The following EDA variants were observed in gnomAD, a reference collection of about 807,000 sequenced individuals.
EDA encodes the protein ectodysplasin A.
Under a neutral mutation model 23.6 loss-of-function variants are expected in EDA, and 2 were observed. The observed-to-expected ratio is 0.08, with a 90% CI of 0.03 to 0.27. The LOEUF (loss-of-function observed/expected upper bound fraction) is 0.27, where lower values mean the gene tolerates loss of function less well. Among genes scored for constraint, EDA ranks in the 10% least tolerant of loss-of-function variants. The pLI is 1.00. For missense variants in EDA, 229 were observed against 324.2 expected, an observed-to-expected ratio of 0.71 and a Z score of 2.26; for synonymous variants, 131 against 132.0, an observed-to-expected ratio of 0.99 and a Z score of 0.05.
At chrX:69,908,795 G>A (rs1047505162) in intron 1 of EDA, among the ~76,000 whole-genome samples, 4 of 109,940 alleles carry the variant, frequency 3.6e-5, no homozygotes, top group Non-Finnish European at 7.6e-5. Context: ...TAGGAAGGAA[G>A]ATTTTGGCTT....
chrX:69,635,342 G>A (rs1932753447), intron 1 of EDA, among the ~76,000 whole-genome samples: 1 of 111,251 alleles, frequency 9.0e-6, no homozygotes, highest in Admixed American at 9.6e-5. Flanking sequence ...TATCTGCTGA[G>A]CTCCAGTAGT....
intron 1 of EDA, among the ~76,000 whole-genome samples, chrX:69,716,686 A>T (rs1332007410): frequency 9.0e-6 from 1 of 111,395 alleles, no homozygotes; most frequent in Non-Finnish European, 1.9e-5. Flanking sequence ...AATGATATTG[A>T]TTCTTCTTAT....
At chrX:69,665,562 C>T (rs1055625251) in intron 1 of EDA, among the ~76,000 whole-genome samples, 1 of 111,360 alleles carries the variant, frequency 9.0e-6, no homozygotes, top group African/African-American at 3.3e-5. Flanking sequence ...GAAGAGACTA[C>T]CCTTTCCCCA....
chrX:69,617,018 A>G (rs1308139474), intron 1 of EDA: 17 of 417,997 alleles, frequency 4.1e-5, no homozygotes, highest in Non-Finnish European at 6.4e-5. Context: ...CCCCCGGCCG[A>G]CTAACGGCTT....
At chrX:69,870,602 A>G (rs1053297707) in intron 1 of EDA, among the ~76,000 whole-genome samples, 2 of 111,095 alleles carry the variant, frequency 1.8e-5, no homozygotes, top group African/African-American at 6.5e-5. Flanking sequence ...GGACGTTGCC[A>G]CTACTAGGGA....
chrX:69,962,300 T>C (rs1185993632), intron 2 of EDA, among the ~76,000 whole-genome samples: 1 of 112,264 alleles, frequency 8.9e-6, no homozygotes, highest in African/African-American at 3.2e-5. Flanking sequence ...TTACCAGCCA[T>C]GTGAACTTGG....
intron 2 of EDA, among the ~76,000 whole-genome samples, chrX:69,986,975 G>A (rs1457703811): frequency 1.4e-5 from 1 of 74,041 alleles, no homozygotes; most frequent in Admixed American, 1.7e-4. Flanking sequence ...TCCTTTGTAG[G>A]GACATGGATG....
chrX:69,883,626 G>GCA (rs1425599302), intron 1 of EDA, among the ~76,000 whole-genome samples: 2 of 111,575 alleles, frequency 1.8e-5, no homozygotes, highest in Middle Eastern at 4.6e-3. Flanking sequence ...AATCTAATTG[G>GCA]GATTTCTTTG....
intron 1 of EDA, among the ~76,000 whole-genome samples, chrX:69,899,525 GT>G (rs1222491303): frequency 2.9e-5 from 3 of 101,943 alleles, no homozygotes; most frequent in African/African-American, 1.0e-4. Context: ...ATTATTAACA[GT>G]TGTGTGTGTG....
chrX:69,907,367 G>T (rs766368567), intron 1 of EDA, among the ~76,000 whole-genome samples: 3 of 111,063 alleles, frequency 2.7e-5, no homozygotes, highest in Non-Finnish European at 5.7e-5. Flanking sequence ...ACTACAGAAG[G>T]TACAATAACA....
intron 1 of EDA, among the ~76,000 whole-genome samples, chrX:69,838,022 G>A (rs1378632465): frequency 8.9e-6 from 1 of 112,124 alleles, no homozygotes; most frequent in African/African-American, 3.2e-5. Context: ...TCTTTTCTCT[G>A]CCACGATGTC....
chrX:69,819,905 A>C (rs1357038022), intron 1 of EDA, among the ~76,000 whole-genome samples: 1 of 100,877 alleles, frequency 9.9e-6, no homozygotes, highest in Non-Finnish European at 2.0e-5. Context: ...AAGCAAAAAA[A>C]AAAAAAAACA....
chrX:69,828,023 G>A (rs903517453), intron 1 of EDA, among the ~76,000 whole-genome samples: 14 of 110,945 alleles, frequency 1.3e-4, no homozygotes, highest in Non-Finnish European at 1.9e-5. Context: ...GGGGTCAGGG[G>A]TCAGGGAGCC....
chrX:69,910,350 GGA>G (rs1181006363), intron 1 of EDA, among the ~76,000 whole-genome samples: 4,857 of 63,381 alleles, frequency 0.077, 239 homozygotes, highest in Non-Finnish European at 0.1. Flanking sequence ...GCTAGGTAAA[GGA>G]GAGAGAGAGA....
chrX:69,669,336 T>C (rs949520497), intron 1 of EDA, among the ~76,000 whole-genome samples: 4 of 111,663 alleles, frequency 3.6e-5, no homozygotes, highest in Non-Finnish European at 7.5e-5. Flanking sequence ...ATGGTTGTTT[T>C]TTAGCTTCTT....
At chrX:69,872,958 C>T (rs1339637787) in intron 1 of EDA, among the ~76,000 whole-genome samples, 2 of 111,319 alleles carry the variant, frequency 1.8e-5, no homozygotes, top group African/African-American at 3.3e-5. Flanking sequence ...TTCTATTCCT[C>T]AGCACATGGA....
intron 1 of EDA, among the ~76,000 whole-genome samples, chrX:69,893,560 T>G (rs913620126): frequency 8.9e-6 from 1 of 112,310 alleles, no homozygotes; most frequent in African/African-American, 3.2e-5. Flanking sequence ...CACTATTTTA[T>G]GTTGCTCTTT....
At position 69,782,648 on chromosome X, in the gene EDA, T is replaced by C. The variant is rs774197408; in HGVS notation, c.396+165944T>C. ...CTCAGTGATAGAGTTCTGCTTCAAA[T>C]ATATTGAAAGAAATTACAGGCCTAG... On this transcript the variant is annotated intron_variant, in intron 1 of 7. Coordinates refer to ENST00000374552, the MANE Select transcript of EDA (RefSeq NM_001399.5). 2.7e-5 allele frequency among the ~76,000 whole-genome samples: 3 copies of C among 111,648 alleles called. No homozygotes were observed. In the East Asian group the frequency reaches 8.5e-4, roughly 32 times the overall value.
chrX:69,845,233 A>T (rs2016982451), intron 1 of EDA, among the ~76,000 whole-genome samples: 1 of 112,541 alleles, frequency 8.9e-6, no homozygotes, highest in Non-Finnish European at 1.9e-5. Flanking sequence ...ATAACCTTTC[A>T]CATCTAGTTT....
Sources: allele counts gnomAD v4.1 joint callset (sites outside exome capture counted in the v4.1 genomes callset), GRCh38; gene constraint gnomAD v4.1.1; transcripts MANE v1.5; gene names NCBI Gene and HGNC (gene_info 2026-07-23, HGNC 2026-07-21).